UVRAG: variants seen among roughly 807,000 people sequenced by gnomAD.
UVRAG encodes the protein UV radiation resistance associated.
In UVRAG, 19 loss-of-function variants were observed where a neutral mutation model predicts 78.0. The ratio of observed to expected loss-of-function variants is 0.24; its 90% confidence interval spans 0.17 to 0.36. UVRAG has a LOEUF of 0.36. Ranked by LOEUF, UVRAG falls within the 10% of genes least tolerant of loss-of-function variation. The pLI is 1.00. For synonymous variants in UVRAG, 323 were observed against 324.6 expected (o/e 1.00, Z 0.05); for missense variants, 740 against 853.8 (o/e 0.87, Z 1.66).
intron 6 of UVRAG, among the ~76,000 whole-genome samples, chr11:75,943,362 G>T (rs908220620): frequency 8.4e-5 from 12 of 142,724 alleles, no homozygotes; most frequent in African/African-American, 2.6e-4. Context: ...CTTTTAAATT[G>T]TAAAAATCTT....
At chr11:75,911,862 A>G in intron 5 of UVRAG, 92 bp from the exon 6 acceptor site, 7 of 855,784 alleles carry the variant, frequency 8.2e-6, no homozygotes, top group Non-Finnish European at 1.3e-5. Context: ...AGTTGTTAAT[A>G]TGTCATATTT....
chr11:75,848,965 G>A (rs1376128858), intron 1 of UVRAG, among the ~76,000 whole-genome samples: 1 of 151,932 alleles, frequency 6.6e-6, no homozygotes, highest in African/African-American at 2.4e-5. Context: ...GATCACCTGA[G>A]GTCAGGAGTT....
At chr11:76,004,558 A>G (rs2135335716) in intron 9 of UVRAG, among the ~76,000 whole-genome samples, 1 of 151,110 alleles carries the variant, frequency 6.6e-6, no homozygotes, top group Non-Finnish European at 1.5e-5. Flanking sequence ...TTAAAATACC[A>G]TTTTTACCTT....
At chr11:76,100,439 G>C (rs1020549353) in intron 13 of UVRAG, among the ~76,000 whole-genome samples, 5 of 152,016 alleles carry the variant, frequency 3.3e-5, no homozygotes, top group African/African-American at 1.2e-4. Flanking sequence ...CTCTCCACTG[G>C]CTTACCTCAT....
At chr11:75,913,216 A>G (rs1238902934) in intron 6 of UVRAG, among the ~76,000 whole-genome samples, 1 of 152,218 alleles carries the variant, frequency 6.6e-6, no homozygotes, top group African/African-American at 2.4e-5. Context: ...ATTATTTTAA[A>G]GATATGTTCT....
chr11:75,857,495 C>A (rs189093540), intron 2 of UVRAG, among the ~76,000 whole-genome samples: 117 of 151,604 alleles, frequency 7.7e-4, no homozygotes, highest in African/African-American at 2.2e-3. Context: ...TTTTCCCCCC[C>A]CCTTTTTTTT....
At chr11:76,051,859 G>C (rs926053689) in intron 12 of UVRAG, among the ~76,000 whole-genome samples, 1 of 151,760 alleles carries the variant, frequency 6.6e-6, no homozygotes, top group Admixed American at 6.6e-5. Context: ...TCCTCTTTTT[G>C]TTCTTCCATG....
chr11:75,882,128 T>C (rs572332880), intron 4 of UVRAG, among the ~76,000 whole-genome samples: 1 of 152,338 alleles, frequency 6.6e-6, no homozygotes, highest in African/African-American at 2.4e-5. Flanking sequence ...AACATCTTGA[T>C]GCTTTCTTCA....
intron 2 of UVRAG, among the ~76,000 whole-genome samples, chr11:75,853,947 A>G (rs940823850): frequency 2.7e-5 from 4 of 150,878 alleles, no homozygotes; most frequent in African/African-American, 9.8e-5. Flanking sequence ...TGATATTTGT[A>G]TTTTTAGTAG....
intron 14 of UVRAG, among the ~76,000 whole-genome samples, chr11:76,136,783 C>T (rs1179923874): frequency 6.6e-6 from 1 of 152,110 alleles, no homozygotes; most frequent in Admixed American, 6.5e-5. Context: ...CAGGTGTTAG[C>T]CGCCACACCT....
At position 76,116,013 on chromosome 11, in the gene UVRAG, G is replaced by A; in HGVS notation, c.1395G>A (p.Arg465=). ...KNFMEHGLMV[R]CDRHHTSSAI... is the part of the protein sequence containing the mutation. ...TCATGGAGCATGGACTAATGGTCAG[G>A]TGGTGAGTACCTTTATCTCTGATAA... Residue 465 remains arginine (R), a splice_region_variant and synonymous_variant, in exon 14 of 15, where the codon AGG becomes AGA. Coordinates refer to ENST00000356136, the MANE Select transcript of UVRAG (RefSeq NM_003369.4). The A allele has an allele frequency of 1.9e-6, 3 of 1,613,628 alleles. No homozygotes were observed. The highest frequency in any genetic ancestry group is 2.5e-6 in the Non-Finnish European group (3 of 1,179,668).
chr11:75,894,793 C>T (rs1391918139), intron 5 of UVRAG, among the ~76,000 whole-genome samples: 10 of 141,332 alleles, frequency 7.1e-5, no homozygotes, highest in East Asian at 2.0e-4. Flanking sequence ...GTGAGACTCC[C>T]GTCTCTACCA....
At chr11:75,829,647 G>A (rs566671552) in intron 1 of UVRAG, among the ~76,000 whole-genome samples, 1 of 152,208 alleles carries the variant, frequency 6.6e-6, no homozygotes, top group African/African-American at 2.4e-5. Flanking sequence ...AAGCTTTTCT[G>A]TGAAGGACCA....
At chr11:76,085,608 T>G (rs1354681102) in intron 13 of UVRAG, among the ~76,000 whole-genome samples, 1 of 152,214 alleles carries the variant, frequency 6.6e-6, no homozygotes, top group African/African-American at 2.4e-5. Context: ...CACTTTAGCC[T>G]TGGAGTTTAG....
intron 14 of UVRAG, among the ~76,000 whole-genome samples, chr11:76,128,648 G>A (rs1376979711): frequency 3.9e-5 from 6 of 151,914 alleles, no homozygotes; most frequent in Admixed American, 1.3e-4. Flanking sequence ...ACAGTGTCTC[G>A]CTCTGTTGCT....
chr11:76,129,255 G>C (rs923547708), intron 14 of UVRAG, among the ~76,000 whole-genome samples: 1 of 152,222 alleles, frequency 6.6e-6, no homozygotes, highest in Non-Finnish European at 1.5e-5. Context: ...CTATAACTAT[G>C]TTAAGAATAA....
chr11:76,085,913 C>G (rs1288732186), intron 13 of UVRAG, among the ~76,000 whole-genome samples: 2 of 152,162 alleles, frequency 1.3e-5, no homozygotes, highest in African/African-American at 2.4e-5. Context: ...TTCTACATGT[C>G]AGACACCCCA....
In UVRAG at chr11:76,071,587, C is replaced by T. The variant is rs531466488; in HGVS notation, c.1305+5799C>T. Among the ~76,000 whole-genome samples, 7 of 151,728 alleles carry T rather than the reference C, an allele frequency of 4.6e-5. No individual in the cohort carries two copies. In the South Asian group the frequency reaches 1.0e-3, roughly 23 times the overall value. ...TTCTAGCTACTACTTTTTTTTGGCCCCACCCACCCATCTCCACATTCTAGC... is the reference window on the plus strand; with the variant it reads ...TTCTAGCTACTACTTTTTTTTGGCCTCACCCACCCATCTCCACATTCTAGC... On this transcript the variant is annotated intron_variant, in intron 13 of 14. Coordinates refer to ENST00000356136, the MANE Select transcript of UVRAG (RefSeq NM_003369.4).
chr11:76,016,775 T>C, intron 11 of UVRAG, 40 bp from the exon 12 acceptor site: 1 of 1,532,408 alleles, frequency 6.5e-7, no homozygotes, highest in Non-Finnish European at 8.8e-7. Context: ...ATTTATAAGG[T>C]AAATAGTTAT....
Sources: allele counts gnomAD v4.1 joint callset (sites outside exome capture counted in the v4.1 genomes callset), GRCh38; gene constraint gnomAD v4.1.1; transcripts MANE v1.5; gene names NCBI Gene and HGNC (gene_info 2026-07-23, HGNC 2026-07-21).